Variants in CNOT11 observed in about 807,000 individuals in gnomAD.
CNOT11 encodes CCR4-NOT transcription complex subunit 11.
CNOT11 carries 18 observed loss-of-function variants against 44.6 expected under a neutral mutation model. The ratio of observed to expected loss-of-function variants is 0.40; its 90% CI spans 0.28 to 0.60. CNOT11 has a LOEUF of 0.60. Ranked by LOEUF, CNOT11 falls within the 20% of genes least tolerant of loss-of-function variation. CNOT11 has a pLI of 0.38. For missense variants in CNOT11, 513 were observed against 677.0 expected, an observed-to-expected ratio of 0.76 and a Z score of 2.69; for synonymous variants, 291 against 270.9, an observed-to-expected ratio of 1.07 and a Z score of -0.73.
At chr2:101,257,218 C>T (rs904155574) in intron 1 of CNOT11, among the ~76,000 whole-genome samples, 16 of 151,760 alleles carry the variant, frequency 1.1e-4, no homozygotes, top group African/African-American at 3.9e-4. Flanking sequence ...CATGGTGAAA[C>T]CCCGACTCGA....
Position 101,264,940 on chromosome 2 carries a change from A to T in CNOT11, c.928A>T (p.Ile310Phe). The change falls in exon 4 of 7, where the codon ATC becomes TTC. Residue 310 changes from isoleucine to phenylalanine, a missense_variant. Transcript: ENST00000289382. ...AAACCCCACGGAGCCTGACCACGCG[A>T]TCCAGTGGGATAAATCGATGTGTGT... ...WLNPTEPDHA[I>F]QWDKSMCVKN... 6.2e-7 allele frequency: 1 copy of T among 1,614,144 alleles called. No individual in the cohort carries two copies. Among genetic ancestry groups the T allele is most frequent in the Non-Finnish European group, 8.5e-7 (1 of 1,179,996 alleles).
At position 101,252,911 on chromosome 2, in the gene CNOT11, C is replaced by G. The variant is rs1681651119; in HGVS notation, c.-54C>G. On this transcript the variant is annotated 5_prime_UTR_variant, in exon 1 of 7. Transcript: ENST00000289382. ...GCGCTTTACGGCCGCGGGGACGGAG[C>G]GAGCCGGCGCCAGGGCCCCTCGGGC... 2.2e-6 allele frequency: 3 copies of G among 1,380,710 alleles called. No homozygotes were observed. Among genetic ancestry groups the G allele is most frequent in the African/African-American group, 1.5e-5 (1 of 65,212 alleles). The allele number at this position is 1,380,710 out of a possible 1,614,324, so 85.5% of individuals were successfully genotyped here.
At chr2:101,262,404 C>A in intron 2 of CNOT11, 135 bp from the exon 3 acceptor site, 1 of 745,688 alleles carries the variant, frequency 1.3e-6, no homozygotes, top group Non-Finnish European at 2.3e-6. Context: ...TACGTACAGA[C>A]ATACACACAT....
Position 101,253,839 on chromosome 2 carries a change from C to T in CNOT11, c.514+361C>T, listed in dbSNP as rs1428669530. On this transcript the variant is annotated intron_variant, in intron 1 of 6. Transcript: ENST00000289382. The surrounding 1 kb of genome is among the most constrained non-coding windows in gnomAD (Gnocchi z 4.3). ...CCAATGATAAGACTGGATCTGTCCCCGGTTTTTAGTCTCAAAGGAGTACGT... is the reference window on the plus strand; with the variant it reads ...CCAATGATAAGACTGGATCTGTCCCTGGTTTTTAGTCTCAAAGGAGTACGT... 1.3e-5 allele frequency among the ~76,000 whole-genome samples: 2 copies of T among 152,138 alleles called. No individual in the cohort carries two copies. The highest frequency in any genetic ancestry group is 6.5e-5 in the Admixed American group (1 of 15,268).
chr2:101,253,047 C>T lies in CNOT11; in HGVS notation c.83C>T (p.Ser28Leu). The change falls in exon 1 of 7, where the codon TCG (serine) becomes TTG (leucine). Residue 28 changes from serine (S) to leucine (L), a missense_variant. By Grantham distance (145) the Ser-to-Leu change is moderately radical. Coordinates refer to ENST00000289382, the MANE Select transcript of CNOT11 (RefSeq NM_017546.5). The surrounding 1 kb of genome is among the most constrained non-coding windows in gnomAD (Gnocchi z 4.3). ...AGAGGGTCCCGGGAAGCGGCAGGGT[C>T]GGCGTCCAGGAGCGGCTTCGGGGGC... ...EQRGSREAAGSASRSGFGGSG... is the reference protein window; with the variant it reads ...EQRGSREAAGLASRSGFGGSG... 6.6e-7 allele frequency: 1 copy of T among 1,516,138 alleles called. No homozygotes were observed. Among genetic ancestry groups the T allele is most frequent in the Non-Finnish European group, 8.8e-7 (1 of 1,137,934 alleles). 93.9% of individuals were successfully genotyped at this position (1,516,138 alleles called of 1,614,324 possible).
chr2:101,262,415 T>G, intron 2 of CNOT11, 124 bp from the exon 3 acceptor site: 1 of 829,766 alleles, frequency 1.2e-6, no homozygotes, highest in Non-Finnish European at 1.9e-6. Flanking sequence ...ATACACACAT[T>G]TTCTCTCTCT....
Position 101,257,910 on chromosome 2 carries a change from A to C in CNOT11, c.634A>C (p.Met212Leu), listed in dbSNP as rs548449654. Reference protein sequence around the residue: ...RQIALMDVGNMGQSVDISGLQ... With the variant: ...RQIALMDVGNLGQSVDISGLQ... The stretch of plus-strand genomic sequence containing the variant: ...GATTGCACTGATGGACGTTGGAAAC[A>C]TGGGCCAGTCTGTGGACATTAGTGG... The change falls in exon 2 of 7, where the codon ATG becomes CTG. Residue 212 changes from methionine (M) to leucine (L), a missense_variant. By Grantham distance (15) the Met-to-Leu change is conservative. Coordinates refer to ENST00000289382, the MANE Select transcript of CNOT11 (RefSeq NM_017546.5). 1 of 1,614,028 alleles carries C rather than the reference A, an allele frequency of 6.2e-7. No homozygotes were observed. Among genetic ancestry groups the C allele is most frequent in the Non-Finnish European group, 8.5e-7 (1 of 1,180,002 alleles).
intron 1 of CNOT11, among the ~76,000 whole-genome samples, chr2:101,255,350 C>CCGGGCGCGGTGG (rs1289234081): frequency 6.6e-6 from 1 of 152,144 alleles, no homozygotes; most frequent in African/African-American, 2.4e-5. Flanking sequence ...AAAAAATTAG[C>CCGGGCGCGGTGG]CGGGCGCGGT....
rs554730787 is a variant in CNOT11 at position 101,264,287 on chromosome 2, T to C, written c.833-558T>C. 2.0e-5 allele frequency among the ~76,000 whole-genome samples: 3 copies of C among 152,372 alleles called. No homozygotes were observed. The South Asian group carries it at 6.2e-4, about 32-fold the overall frequency. On this transcript the variant is annotated intron_variant, in intron 3 of 6. Coordinates refer to ENST00000289382, the MANE Select transcript of CNOT11 (RefSeq NM_017546.5). ...TTCTATTGTTTTCTGAAAATGAATA[T>C]AGTATTTGTGAATTTAGGGATTCGT...
chr2:101,257,661 A>T, intron 1 of CNOT11, 130 bp from the exon 2 acceptor site: 1 of 670,542 alleles, frequency 1.5e-6, no homozygotes, highest in East Asian at 2.7e-5. Flanking sequence ...GGTTGACTGA[A>T]ACTTAATCAT....
intron 4 of CNOT11, among the ~76,000 whole-genome samples, chr2:101,266,311 T>C (rs1429146870): frequency 6.6e-6 from 1 of 152,072 alleles, no homozygotes; most frequent in African/African-American, 2.4e-5. Flanking sequence ...TCATTAAGAT[T>C]ATTTTTAGTT....
In CNOT11 at chr2:101,253,328, G is replaced by T; in HGVS notation, c.364G>T (p.Ala122Ser). 6.2e-7 allele frequency: 1 copy of T among 1,606,130 alleles called. No individual in the cohort carries two copies. Residue 122 changes from alanine (A) to serine (S), a missense_variant, in exon 1 of 7, where the codon GCG becomes TCG. Ala to Ser is a moderately conservative substitution (Grantham distance 99, BLOSUM62 1). Around this residue, in one of 4 missense-constraint regions of CNOT11, gnomAD observed 259 missense variants for 265.7 expected, o/e 0.97. Transcript: ENST00000289382. The surrounding 1 kb of genome is among the most constrained non-coding windows in gnomAD (Gnocchi z 4.3). ...GCAGCCCGACCTGCTGCCTAGCGCG[G>T]CGCAGCGCCTCACGGCGCTCTACCT... Reference protein sequence around the residue: ...LQQPDLLPSAAQRLTALYLLW... With the variant: ...LQQPDLLPSASQRLTALYLLW...
intron 4 of CNOT11, 34 bp from the exon 5 acceptor site, chr2:101,266,643 C>A: frequency 6.7e-7 from 1 of 1,492,084 alleles, no homozygotes. Flanking sequence ...TTTCTCTCTC[C>A]CTCTCTCTCT....
chr2:101,259,933 C>T (rs775359213), intron 2 of CNOT11, among the ~76,000 whole-genome samples: 9 of 151,862 alleles, frequency 5.9e-5, no homozygotes, highest in Non-Finnish European at 1.2e-4. Context: ...CTTGTGGTCC[C>T]GGCTACCCAG....
chr2:101,267,971 ATC>A (rs1260342565), intron 5 of CNOT11, among the ~76,000 whole-genome samples: 1 of 152,236 alleles, frequency 6.6e-6, no homozygotes, highest in Non-Finnish European at 1.5e-5. Context: ...TTTTGAAAAA[ATC>A]TATGTGAAAT....
At chr2:101,265,166 T>G (rs1341390296) in intron 4 of CNOT11, 119 bp downstream of exon 4, 4 of 602,634 alleles carry the variant, frequency 6.6e-6, no homozygotes, top group Admixed American at 7.0e-5. Context: ...AGTGGCACGA[T>G]CTCGGCTCAC....
In CNOT11 at chr2:101,270,080, T is replaced by G. The variant is rs1682075472; in HGVS notation, c.*667T>G. On this transcript the variant is annotated 3_prime_UTR_variant, in exon 7 of 7. Transcript: ENST00000289382. ...CAGGCTGTAATAGCTGGTATAGTTT[T>G]TTTTTTTTCTCTTAAGATGTTCTGT... The G allele has an allele frequency of 6.6e-6, 1 of 151,714 alleles. No individual in the cohort carries two copies. The allele number at this position is 151,714 out of a possible 1,614,324, so 9.4% of individuals were successfully genotyped here. A position where few individuals can be genotyped will look rare whatever the true frequency, so the allele number is the denominator to read the frequency against.
intron 2 of CNOT11, among the ~76,000 whole-genome samples, chr2:101,261,157 T>G (rs1234141870): frequency 1.3e-5 from 2 of 152,216 alleles, no homozygotes; most frequent in Admixed American, 6.5e-5. Context: ...CCATCCAAGT[T>G]AAGAAAGAGA....
Position 101,252,976 on chromosome 2 carries a change from A to T in CNOT11, c.12A>T (p.Gly4=), listed in dbSNP as rs1681652976. The change falls in exon 1 of 7, where the codon GGA becomes GGT. Residue 4 remains glycine (G), a synonymous_variant. Coordinates refer to ENST00000289382, the MANE Select transcript of CNOT11 (RefSeq NM_017546.5). Reference sequence around the variant, plus strand: ...GGGGAGCGAGGTTGATGCCCGGCGGAGGGGCGAGCGCGGCGTCTGGCCGGC... The same window carrying T: ...GGGGAGCGAGGTTGATGCCCGGCGGTGGGGCGAGCGCGGCGTCTGGCCGGC... MPG[G]GASAASGRLL... The T allele has an allele frequency of 6.7e-7, 1 of 1,484,028 alleles. No individual in the cohort carries two copies. 91.9% of individuals were successfully genotyped at this position (1,484,028 alleles called of 1,614,324 possible).
Sources: allele counts gnomAD v4.1 joint callset (sites outside exome capture counted in the v4.1 genomes callset), GRCh38; gene constraint gnomAD v4.1.1; regional missense constraint gnomAD v4.1.1; non-coding constraint Gnocchi (gnomAD v3.1); transcripts MANE v1.5; gene names NCBI Gene and HGNC (gene_info 2026-07-23, HGNC 2026-07-21).